SPOCK3: variants seen among roughly 807,000 people sequenced by gnomAD.
SPOCK3 encodes testican-3.
A neutral mutation model predicts 56.6 loss-of-function variants in SPOCK3; 30 were observed. The ratio of observed to expected loss-of-function variants is 0.53; its 90% CI spans 0.40 to 0.72. SPOCK3 has a LOEUF of 0.72. Ranked by LOEUF, SPOCK3 falls within the 30% of genes least tolerant of loss-of-function variation. The pLI is 0.00. For synonymous variants in SPOCK3, 196 were observed against 183.3 expected (o/e 1.07, Z -0.56); for missense variants, 527 against 530.0 (o/e 0.99, Z 0.06).
At chr4:166,892,592 C>T (rs1053357721) in intron 5 of SPOCK3, among the ~76,000 whole-genome samples, 7 of 151,886 alleles carry the variant, frequency 4.6e-5, no homozygotes, top group East Asian at 3.9e-4. Context: ...TTAATTACCA[C>T]GAAGCTGAAA....
intron 5 of SPOCK3, 45 bp downstream of exon 5, chr4:166,912,575 G>T: frequency 6.3e-7 from 1 of 1,576,276 alleles, no homozygotes; most frequent in Admixed American, 1.7e-5. Context: ...TTACTAATAA[G>T]TATGCATCCC....
intron 2 of SPOCK3, among the ~76,000 whole-genome samples, chr4:167,163,482 A>C (rs150284065): frequency 2.1e-3 from 318 of 152,096 alleles, no homozygotes; most frequent in African/African-American, 7.0e-3. Context: ...AATAAATTAT[A>C]ATTGACTATA....
At chr4:166,811,645 G>A (rs1420750999) in intron 6 of SPOCK3, among the ~76,000 whole-genome samples, 1 of 151,684 alleles carries the variant, frequency 6.6e-6, no homozygotes, top group African/African-American at 2.4e-5. Context: ...ATAAGAGATT[G>A]GTGATTGCTA....
intron 2 of SPOCK3, among the ~76,000 whole-genome samples, chr4:167,104,624 T>C (rs993331164): frequency 3.3e-5 from 5 of 151,966 alleles, no homozygotes; most frequent in African/African-American, 9.7e-5. Flanking sequence ...CTAAGAGTTA[T>C]TGCCCTTAAA....
chr4:166,922,156 C>T (rs1738567589), intron 4 of SPOCK3, among the ~76,000 whole-genome samples: 1 of 152,124 alleles, frequency 6.6e-6, no homozygotes, highest in Non-Finnish European at 1.5e-5. Flanking sequence ...GAAACAGTTT[C>T]ATACCCAAAC....
rs997567467 is a variant in SPOCK3 at position 166,734,841 on chromosome 4, G to C, written c.*80C>G. 1 of 1,142,836 alleles carries C rather than the reference G, an allele frequency of 8.8e-7. No individual in the cohort carries two copies. 70.8% of individuals were successfully genotyped at this position (1,142,836 alleles called of 1,614,324 possible). On this transcript the variant is annotated 3_prime_UTR_variant, in exon 11 of 11. Coordinates refer to ENST00000357545, the MANE Select transcript of SPOCK3 (RefSeq NM_001040159.2). ...GAGGTTTAGAATCATTTTGTTATTGGGGAAGAAGATAATTTTAAATAGGCT... is the reference window on the plus strand; with the variant it reads ...GAGGTTTAGAATCATTTTGTTATTGCGGAAGAAGATAATTTTAAATAGGCT...
intron 6 of SPOCK3, among the ~76,000 whole-genome samples, chr4:166,818,827 C>T (rs571280694): frequency 1.3e-5 from 2 of 152,106 alleles, no homozygotes; most frequent in East Asian, 1.9e-4. Context: ...TTTCAATCAA[C>T]AGGACTTAAA....
intron 2 of SPOCK3, among the ~76,000 whole-genome samples, chr4:167,141,967 C>T (rs1245980674): frequency 2.0e-5 from 3 of 151,926 alleles, no homozygotes; most frequent in Non-Finnish European, 4.4e-5. Flanking sequence ...ATCAAATGGC[C>T]TGGGCTTTCT....
intron 3 of SPOCK3, among the ~76,000 whole-genome samples, chr4:167,025,731 C>T (rs1289103492): frequency 6.6e-6 from 1 of 151,984 alleles, no homozygotes; most frequent in African/African-American, 2.4e-5. Flanking sequence ...CCTCTTTAAT[C>T]ATTCTTACAT....
In SPOCK3 at chr4:166,754,592, T is replaced by C. The variant is rs1579127194; in HGVS notation, c.847A>G (p.Lys283Glu). 1 of 1,613,610 alleles carries C rather than the reference T, an allele frequency of 6.2e-7. No individual in the cohort carries two copies. Among genetic ancestry groups the C allele is most frequent in the Non-Finnish European group, 8.5e-7 (1 of 1,179,744 alleles). The change falls in exon 8 of 11, where the codon AAG becomes GAG. Residue 283 changes from lysine to glutamate, a missense_variant. Lys to Glu is a moderately conservative substitution (Grantham distance 56). Coordinates refer to ENST00000357545, the MANE Select transcript of SPOCK3 (RefSeq NM_001040159.2). ...GTGTCACAAGAATTGAAGAATGCCT[T>C]GGTACACTGTTCATTCTTATCAAGG... ...IYLDKNEQCT[K>E]AFFNSCDTYK...
intron 2 of SPOCK3, among the ~76,000 whole-genome samples, chr4:167,167,134 C>G (rs1304922258): frequency 6.6e-6 from 1 of 152,056 alleles, no homozygotes; most frequent in East Asian, 1.9e-4. Flanking sequence ...ACATTTTGTA[C>G]TCTTTTCTAT....
intron 6 of SPOCK3, among the ~76,000 whole-genome samples, chr4:166,867,079 G>A (rs949671326): frequency 2.0e-5 from 3 of 151,940 alleles, no homozygotes; most frequent in African/African-American, 7.2e-5. Context: ...TAAGTTAGAA[G>A]CCCCATATAA....
chr4:167,087,190 G>A (rs1403754358), intron 2 of SPOCK3, among the ~76,000 whole-genome samples: 1 of 151,976 alleles, frequency 6.6e-6, no homozygotes, highest in East Asian at 1.9e-4. Flanking sequence ...AACTCTATGA[G>A]GTACAGTTGT....
chr4:167,053,182 C>T (rs1754401433), intron 3 of SPOCK3, among the ~76,000 whole-genome samples: 1 of 152,032 alleles, frequency 6.6e-6, no homozygotes, highest in Admixed American at 6.6e-5. Flanking sequence ...AAGTATATGG[C>T]TAAACACATG....
intron 4 of SPOCK3, among the ~76,000 whole-genome samples, chr4:166,955,690 TAA>T (rs1017897801): frequency 6.8e-6 from 1 of 148,024 alleles, no homozygotes; most frequent in Non-Finnish European, 1.5e-5. Context: ...AAATTATTAA[TAA>T]AGTTTTCTTT....
chr4:166,948,586 G>T (rs1022355916), intron 4 of SPOCK3, among the ~76,000 whole-genome samples: 10 of 151,928 alleles, frequency 6.6e-5, no homozygotes, highest in Non-Finnish European at 1.5e-4. Context: ...ATATCTCATT[G>T]TGGTTTTGAT....
intron 6 of SPOCK3, among the ~76,000 whole-genome samples, chr4:166,807,714 G>A (rs1039944049): frequency 1.3e-5 from 2 of 152,028 alleles, no homozygotes; most frequent in African/African-American, 4.8e-5. Context: ...AAAATTTAAC[G>A]ATCATCTGTT....
intron 4 of SPOCK3, among the ~76,000 whole-genome samples, chr4:166,931,561 T>C (rs1043498373): frequency 2.0e-5 from 3 of 152,252 alleles, no homozygotes; most frequent in African/African-American, 7.2e-5. Flanking sequence ...TCTATGCCTA[T>C]GACTAGAATA....
At position 166,750,354 on chromosome 4, in the gene SPOCK3, C is replaced by T. The variant is rs536070953; in HGVS notation, c.931+4154G>A. Among the ~76,000 whole-genome samples the T allele has an allele frequency of 1.9e-3, 284 of 152,094 alleles. 2 individuals are homozygous for T. Among genetic ancestry groups the T allele is most frequent in the Middle Eastern group, 0.017 (5 of 294 alleles). Reference sequence around the variant, plus strand: ...CTATTAGGTCTACACAGGGTAAGGACTAATAGGTCAGCTTAGGGTAGAGAC... The same window carrying T: ...CTATTAGGTCTACACAGGGTAAGGATTAATAGGTCAGCTTAGGGTAGAGAC... On this transcript the variant is annotated intron_variant, in intron 8 of 10. Coordinates refer to ENST00000357545, the MANE Select transcript of SPOCK3 (RefSeq NM_001040159.2).
Sources: gnomAD v4.1 joint callset for allele counts (sites outside exome capture counted in the v4.1 genomes callset) on GRCh38, gnomAD v4.1.1 for gene constraint, MANE v1.5 for transcripts, NCBI Gene and HGNC (gene_info 2026-07-23, HGNC 2026-07-21) for gene names.